Variants in AGBL3 observed in about 807,000 individuals in gnomAD.
AGBL3 encodes the protein cytosolic carboxypeptidase 3.
AGBL3 carries 68 observed loss-of-function variants against 94.5 expected under a neutral mutation model. That is an observed-to-expected ratio of 0.72 (90% CI 0.59 to 0.88). The LOEUF is 0.88. Ranked by LOEUF, AGBL3 falls within the 40% of genes least tolerant of loss-of-function variation. The pLI, the probability that AGBL3 is intolerant of heterozygous loss-of-function variation, is 0.00. For synonymous variants in AGBL3, 354 were observed against 370.7 expected (o/e 0.95, Z 0.52); for missense variants, 934 against 1,103.8 (o/e 0.85, Z 2.18).
At chr7:135,021,366 A>T (rs1288075168) in intron 5 of AGBL3, among the ~76,000 whole-genome samples, 1 of 148,058 alleles carries the variant, frequency 6.8e-6, no homozygotes, top group Non-Finnish European at 1.5e-5. Context: ...ATCTCGGCTC[A>T]CTGCAAGCTC....
At chr7:134,991,511 A>G (rs1406161073) in intron 3 of AGBL3, among the ~76,000 whole-genome samples, 1 of 151,884 alleles carries the variant, frequency 6.6e-6, no homozygotes, top group Non-Finnish European at 1.5e-5. Flanking sequence ...ACTACTGACC[A>G]CCCCACCATG....
At chr7:135,075,506 T>C (rs1820363593) in intron 12 of AGBL3, among the ~76,000 whole-genome samples, 1 of 152,224 alleles carries the variant, frequency 6.6e-6, no homozygotes, top group African/African-American at 2.4e-5. Flanking sequence ...GTGGGTTGTT[T>C]TCAGTTTGGG....
chr7:135,027,777 C>T (rs1339700265), intron 5 of AGBL3, among the ~76,000 whole-genome samples: 3 of 151,584 alleles, frequency 2.0e-5, no homozygotes, highest in Admixed American at 1.3e-4. Flanking sequence ...AGGAGATGGA[C>T]ACCCTAAACA....
At chr7:135,021,651 C>T (rs1475745575) in intron 5 of AGBL3, among the ~76,000 whole-genome samples, 1 of 122,836 alleles carries the variant, frequency 8.1e-6, no homozygotes, top group African/African-American at 2.9e-5. Flanking sequence ...CACAGCATAT[C>T]ATTGGGATTT....
intron 4 of AGBL3, among the ~76,000 whole-genome samples, chr7:135,008,046 G>A (rs894073523): frequency 2.6e-5 from 4 of 151,976 alleles, no homozygotes; most frequent in Non-Finnish European, 4.4e-5. Flanking sequence ...CTATTATTAC[G>A]ATGACAGTCC....
At chr7:134,988,667 C>T (rs1212413032) in intron 2 of AGBL3, among the ~76,000 whole-genome samples, 2 of 149,822 alleles carry the variant, frequency 1.3e-5, no homozygotes, top group Admixed American at 1.3e-4. Context: ...AGTTTGAGAT[C>T]GCTCTTGTTG....
At chr7:135,098,530 A>C (rs1032840115) in intron 15 of AGBL3, among the ~76,000 whole-genome samples, 1 of 152,214 alleles carries the variant, frequency 6.6e-6, no homozygotes, top group Non-Finnish European at 1.5e-5. Context: ...CCACACAAAC[A>C]ATGCCAACTG....
At chr7:135,106,176 G>T (rs1045601812) in intron 15 of AGBL3, among the ~76,000 whole-genome samples, 6 of 152,046 alleles carry the variant, frequency 3.9e-5, no homozygotes, top group African/African-American at 1.4e-4. Flanking sequence ...TCTGCAAACA[G>T]GCATAGTCTG....
In AGBL3 at chr7:135,030,620, C is replaced by T. The variant is rs139234750; in HGVS notation, c.419-2224C>T. Among the ~76,000 whole-genome samples, 546 of 152,192 alleles carry T rather than the reference C, an allele frequency of 3.6e-3. 4 individuals are homozygous for T. Among genetic ancestry groups the T allele is most frequent in the South Asian group, 0.024 (117 of 4,826 alleles). ...GATCCATAGGTTAGTAGGGGTTTTG[C>T]ACCAAAATTTGAGAAAATTTCAGCC... On this transcript the variant is annotated intron_variant, in intron 5 of 16. Coordinates refer to ENST00000436302, the MANE Select transcript of AGBL3 (RefSeq NM_178563.4).
At chr7:135,048,742 T>C (rs1326275579) in intron 11 of AGBL3, among the ~76,000 whole-genome samples, 1 of 132,658 alleles carries the variant, frequency 7.5e-6, no homozygotes, top group Non-Finnish European at 1.7e-5. Context: ...TATTGATTAG[T>C]TCTCACAGTT....
Position 135,037,403 on chromosome 7 carries a change from C to A in AGBL3, c.1338-15C>A. 6.5e-7 allele frequency: 1 copy of A among 1,530,218 alleles called. No individual in the cohort carries two copies. The allele number at this position is 1,530,218 out of a possible 1,614,324, so 94.8% of individuals were successfully genotyped here. ...GCAGAGATAAAAGTTAGTAACTTAT[C>A]TTTCTTCCTGGCAGACTGATGGAGA... is the stretch of plus-strand genomic sequence containing the variant. On this transcript the variant is annotated splice_polypyrimidine_tract_variant and intron_variant, in intron 7 of 16. Transcript: ENST00000436302.
intron 8 of AGBL3, 95 bp downstream of exon 8, chr7:135,037,675 C>CTT: frequency 9.6e-7 from 1 of 1,043,792 alleles, no homozygotes; most frequent in Non-Finnish European, 1.3e-6. Context: ...TTCCAAACTG[C>CTT]TTTTTTTTTA....
chr7:135,036,489 C>A (rs1204172256), intron 7 of AGBL3, among the ~76,000 whole-genome samples: 2 of 152,206 alleles, frequency 1.3e-5, no homozygotes, highest in East Asian at 3.9e-4. Context: ...GGCTTCAGCA[C>A]CAAGTCATCA....
chr7:135,045,552 A>C lies in AGBL3; in HGVS notation c.1706A>C (p.Tyr569Ser). The C allele has an allele frequency of 6.4e-7, 1 of 1,551,128 alleles. No homozygotes were observed. Among genetic ancestry groups the C allele is most frequent in the Non-Finnish European group, 8.7e-7 (1 of 1,146,592 alleles). The change falls in exon 10 of 17, where the codon TAT (tyrosine) becomes TCT (serine). Residue 569 changes from tyrosine (Y) to serine (S), a missense_variant. Physicochemically the swap from Tyr to Ser is moderately radical, Grantham distance 144. Transcript: ENST00000436302. ...CATTTTTGTGATTCTCTCTTGGATT[A>C]TTGTGATCCCGACCGGACCAAGGTA... is the stretch of plus-strand genomic sequence containing the variant. ...GYHFCDSLLD[Y>S]CDPDRTKYYR...
At chr7:135,067,856 C>T (rs1244652401) in intron 12 of AGBL3, among the ~76,000 whole-genome samples, 2 of 152,194 alleles carry the variant, frequency 1.3e-5, no homozygotes, top group African/African-American at 2.4e-5. Context: ...AGGAACGCAG[C>T]TCCTCACCAG....
chr7:135,049,813 G>A (rs1421527355), intron 11 of AGBL3, among the ~76,000 whole-genome samples: 2 of 151,278 alleles, frequency 1.3e-5, no homozygotes, highest in Admixed American at 6.6e-5. Flanking sequence ...TTCATAATTA[G>A]TTTAGCTAAG....
chr7:135,028,711 C>A (rs1815412350), intron 5 of AGBL3, among the ~76,000 whole-genome samples: 2 of 152,210 alleles, frequency 1.3e-5, no homozygotes, highest in African/African-American at 2.4e-5. Flanking sequence ...TTCTGAATGG[C>A]ATCTAGAATG....
rs1824029731 is a variant in AGBL3, at chr7:135,102,684, A to G, written c.2111-12696A>G. Among the ~76,000 whole-genome samples, 5 of 151,460 alleles carry G rather than the reference A, an allele frequency of 3.3e-5. No homozygotes were observed. In the South Asian group the frequency reaches 1.0e-3, roughly 32 times the overall value. On this transcript the variant is annotated intron_variant, in intron 15 of 16. Transcript: ENST00000436302. ...GTTTTACCCCATCTCCCATCTCCAG[A>G]TCATAAAATGATCATCTATTTGGCT...
At chr7:135,098,423 T>C (rs965712713) in intron 15 of AGBL3, among the ~76,000 whole-genome samples, 1 of 152,210 alleles carries the variant, frequency 6.6e-6, no homozygotes, top group African/African-American at 2.4e-5. Flanking sequence ...GTTTAGGGAA[T>C]GATGACAAGG....
Sources: allele counts gnomAD v4.1 joint callset (sites outside exome capture counted in the v4.1 genomes callset), GRCh38; gene constraint gnomAD v4.1.1; transcripts MANE v1.5; gene names NCBI Gene and HGNC (gene_info 2026-07-23, HGNC 2026-07-21).